ADAMTSL1: variants seen among roughly 807,000 people sequenced by gnomAD.
The protein encoded by ADAMTSL1 is ADAMTS like 1.
A neutral mutation model predicts 201.8 loss-of-function variants in ADAMTSL1; 126 were observed. The ratio of observed to expected loss-of-function variants is 0.62; its 90% CI spans 0.54 to 0.72. The LOEUF is 0.72. Among genes scored for constraint, ADAMTSL1 ranks in the 30% least tolerant of loss-of-function variants. The pLI, the probability that ADAMTSL1 is intolerant of heterozygous loss-of-function variation, is 0.00. For synonymous variants in ADAMTSL1, 1,121 were observed against 903.4 expected, an observed-to-expected ratio of 1.24 and a Z score of -4.32; for missense variants, 2,679 against 2,277.8, an observed-to-expected ratio of 1.18 and a Z score of -3.59.
intron 23 of ADAMTSL1, among the ~76,000 whole-genome samples, chr9:18,871,253 G>A (rs935234517): frequency 3.3e-5 from 5 of 152,148 alleles, no homozygotes; most frequent in South Asian, 2.1e-4. Context: ...ATAAACAAAT[G>A]AAACCATTAA....
intron 2 of ADAMTSL1, among the ~76,000 whole-genome samples, chr9:18,206,140 A>G (rs1041271979): frequency 2.8e-5 from 4 of 142,676 alleles, no homozygotes; most frequent in African/African-American, 1.0e-4. Flanking sequence ...GTTTTATGTT[A>G]TCTTATTTTT....
Position 18,574,048 on chromosome 9 carries a change from G to C in ADAMTSL1, c.256G>C (p.Gly86Arg). ...TCTCCAGGACTGCCCACCAGAAGCA[G>C]GTGATTTCCGAGCTCAGCAATGCTC... ...CSNVDCPPEA[G>R]DFRAQQCSAH... The change falls in exon 4 of 29, where the codon GGT (glycine) becomes CGT (arginine). Residue 86 changes from glycine (G) to arginine (R), a missense_variant. Coordinates refer to ENST00000380548, the MANE Select transcript of ADAMTSL1 (RefSeq NM_001040272.6). 1 of 1,613,608 alleles carries C rather than the reference G, an allele frequency of 6.2e-7. No homozygotes were observed. Among genetic ancestry groups the C allele is most frequent in the Non-Finnish European group, 8.5e-7 (1 of 1,179,664 alleles).
Position 17,950,134 on chromosome 9 carries a change from T to C in ADAMTSL1, c.87+43212T>C, listed in dbSNP as rs532118597. On this transcript the variant is annotated intron_variant, in intron 1 of 29. Coordinates refer to the ADAMTSL1 transcript ENST00000680146. ...GGGGTTTTACCATGTCTCGAACTCC[T>C]GGACTCAGGTGATCTGCCTGCCTCG... Among the ~76,000 whole-genome samples, 11 of 152,198 alleles carry C rather than the reference T, an allele frequency of 7.2e-5. No individual in the cohort carries two copies. In the East Asian group the frequency reaches 7.7e-4, roughly 11 times the overall value.
At chr9:18,402,980 C>T (rs1275896402) in intron 2 of ADAMTSL1, among the ~76,000 whole-genome samples, 2 of 151,974 alleles carry the variant, frequency 1.3e-5, no homozygotes, top group Admixed American at 1.3e-4. Context: ...ATTAATGTGC[C>T]CATTTTCTAG....
At chr9:18,338,339 G>T (rs1835333291) in intron 2 of ADAMTSL1, among the ~76,000 whole-genome samples, 1 of 152,070 alleles carries the variant, frequency 6.6e-6, no homozygotes, top group African/African-American at 2.4e-5. Flanking sequence ...CTACCTCAGT[G>T]GGCTTCCTTC....
intron 23 of ADAMTSL1, among the ~76,000 whole-genome samples, chr9:18,849,607 G>C (rs1222997690): frequency 1.3e-5 from 2 of 152,224 alleles, no homozygotes; most frequent in East Asian, 3.8e-4. Context: ...GGGATGCCGG[G>C]AAGGGGAGGA....
At chr9:18,904,258 C>A (rs534108617) in intron 26 of ADAMTSL1, among the ~76,000 whole-genome samples, 1 of 152,090 alleles carries the variant, frequency 6.6e-6, no homozygotes. Flanking sequence ...CACCTGAGGT[C>A]AAGAATTCAA....
intron 23 of ADAMTSL1, among the ~76,000 whole-genome samples, chr9:18,837,138 T>G (rs1383236824): frequency 6.6e-6 from 1 of 152,202 alleles, no homozygotes; most frequent in African/African-American, 2.4e-5. Flanking sequence ...TTTCCATTTA[T>G]TCTTTTAGGG....
chr9:18,146,798 A>T (rs778291546), intron 1 of ADAMTSL1, among the ~76,000 whole-genome samples: 8 of 152,158 alleles, frequency 5.3e-5, no homozygotes. Context: ...TATAGTCTGT[A>T]TATACTTCTG....
intron 13 of ADAMTSL1, among the ~76,000 whole-genome samples, chr9:18,696,835 A>C (rs1031450717): frequency 6.7e-6 from 1 of 150,016 alleles, no homozygotes; most frequent in African/African-American, 2.5e-5. Context: ...CATAAGTCTC[A>C]TGAAAATATA....
chr9:18,707,973 A>G (rs539528727), intron 14 of ADAMTSL1, among the ~76,000 whole-genome samples: 2 of 152,312 alleles, frequency 1.3e-5, no homozygotes, highest in South Asian at 2.1e-4. Flanking sequence ...ACCATCTCCT[A>G]TATCTACTCC....
chr9:17,929,375 G>A (rs916231641), intron 1 of ADAMTSL1, among the ~76,000 whole-genome samples: 9 of 151,498 alleles, frequency 5.9e-5, no homozygotes, highest in South Asian at 2.1e-4. Context: ...CTCTTCTTTC[G>A]TATCCCTAAG....
chr9:18,187,409 G>A lies in ADAMTSL1; in HGVS notation c.207+23428G>A, dbSNP rs139110570. ...TGACCTGTCCATAGGTTCACATTGG[G>A]ACTATTCAGTCTTTAAATGATTTAT... is the stretch of plus-strand genomic sequence containing the variant. On this transcript the variant is annotated intron_variant, in intron 2 of 29. Coordinates refer to the ADAMTSL1 transcript ENST00000680146. 4.7e-3 allele frequency among the ~76,000 whole-genome samples: 721 copies of A among 152,190 alleles called. 6 individuals carry two copies. Among genetic ancestry groups the A allele is most frequent in the Non-Finnish European group, 7.8e-3 (528 of 67,996 alleles).
chr9:18,671,734 T>G (rs938472370), intron 9 of ADAMTSL1, among the ~76,000 whole-genome samples: 6 of 152,086 alleles, frequency 3.9e-5, no homozygotes, highest in African/African-American at 1.4e-4. Flanking sequence ...AAGGATCTCT[T>G]TATGGTTCAT....
At chr9:18,054,189 C>T (rs1349821584) in intron 1 of ADAMTSL1, among the ~76,000 whole-genome samples, 4 of 152,062 alleles carry the variant, frequency 2.6e-5, no homozygotes, top group Non-Finnish European at 2.9e-5. Flanking sequence ...TACATTTGTA[C>T]GTGTATAAAC....
At position 18,499,141 on chromosome 9, in the gene ADAMTSL1, C is replaced by T. The variant is rs895405022; in HGVS notation, c.64-5688C>T. On this transcript the variant is annotated intron_variant, in intron 1 of 28. Transcript: ENST00000380548. ...GCAGTGGCCTCTGAAAGACCATGCACTGTGTCACTGGCAGTTCATCATATC... is the reference window on the plus strand; with the variant it reads ...GCAGTGGCCTCTGAAAGACCATGCATTGTGTCACTGGCAGTTCATCATATC... 2.6e-5 allele frequency among the ~76,000 whole-genome samples: 4 copies of T among 152,364 alleles called. No individual in the cohort carries two copies. In the South Asian group the frequency reaches 6.2e-4, roughly 24 times the overall value.
At chr9:18,859,156 A>G (rs1442640070) in intron 23 of ADAMTSL1, among the ~76,000 whole-genome samples, 3 of 152,232 alleles carry the variant, frequency 2.0e-5, no homozygotes, top group African/African-American at 7.2e-5. Context: ...ACTCTGTTAC[A>G]GTTCTGGAGG....
intron 2 of ADAMTSL1, among the ~76,000 whole-genome samples, chr9:18,291,697 G>GCTCT (rs71333035): frequency 1.5e-5 from 2 of 132,614 alleles, no homozygotes; most frequent in South Asian, 2.5e-4. Flanking sequence ...GTGCGCACAT[G>GCTCT]CTCTCTCTCT....
At chr9:18,071,405 T>C (rs1822960374) in intron 1 of ADAMTSL1, among the ~76,000 whole-genome samples, 3 of 152,208 alleles carry the variant, frequency 2.0e-5, no homozygotes, top group African/African-American at 7.2e-5. Context: ...TCCTGCCTTG[T>C]ATAAAAGGAT....
Sources: gnomAD v4.1 joint callset for allele counts (sites outside exome capture counted in the v4.1 genomes callset) on GRCh38, gnomAD v4.1.1 for gene constraint, MANE v1.5 for transcripts, NCBI Gene and HGNC (gene_info 2026-07-23, HGNC 2026-07-21) for gene names.